Variants in KIF27 observed in about 807,000 individuals in gnomAD.
The protein encoded by KIF27 is kinesin-like protein KIF27.
A neutral mutation model predicts 141.8 loss-of-function variants in KIF27; 84 were observed. The ratio of observed to expected loss-of-function variants is 0.59; its 90% CI spans 0.50 to 0.71. KIF27 has a LOEUF of 0.71. Ranked by LOEUF, KIF27 falls within the 30% of genes least tolerant of loss-of-function variation. The pLI is 0.00. For synonymous variants in KIF27, 471 were observed against 569.5 expected, an observed-to-expected ratio of 0.83 and a Z score of 2.46; for missense variants, 1,306 against 1,628.4, an observed-to-expected ratio of 0.80 and a Z score of 3.41.
chr9:83,847,316 A>C (rs2131580352), intron 16 of KIF27, among the ~76,000 whole-genome samples: 1 of 152,338 alleles, frequency 6.6e-6, no homozygotes, highest in Admixed American at 6.5e-5. Flanking sequence ...TGTACTAAGA[A>C]AATATCTTCA....
At chr9:83,888,942 T>C (rs1393913150) in intron 7 of KIF27, 142 bp downstream of exon 7, 2 of 889,532 alleles carry the variant, frequency 2.2e-6, no homozygotes, top group Non-Finnish European at 3.2e-6. Flanking sequence ...CATAACACAT[T>C]AGATGATAGT....
At position 83,866,948 on chromosome 9, in the gene KIF27, A is replaced by ACC. The variant is rs373091907; in HGVS notation, c.2934+734_2934+735dup. Among the ~76,000 whole-genome samples the ACC allele has an allele frequency of 8.1e-4, 96 of 118,142 alleles. 1 individual carries two copies. The highest frequency in any genetic ancestry group is 2.2e-3 in the African/African-American group (73 of 33,016). 77.5% of individuals were successfully genotyped at this position (118,142 alleles called of 152,430 possible). A position where few individuals can be genotyped will look rare whatever the true frequency, so the allele number is the denominator to read the frequency against. ...CCACAATCAATTTTATATTTTATTCACCCCCCCCCCAAAAAAAGAAACCCC... is the reference window on the plus strand; with the variant it reads ...CCACAATCAATTTTATATTTTATTCACCCCCCCCCCCCAAAAAAAGAAACCCC... On this transcript the variant is annotated intron_variant, in intron 13 of 17. Coordinates refer to ENST00000297814, the MANE Select transcript of KIF27 (RefSeq NM_017576.4).
intron 15 of KIF27, among the ~76,000 whole-genome samples, chr9:83,852,573 T>TA (rs1351438847): frequency 6.6e-6 from 1 of 152,200 alleles, no homozygotes; most frequent in South Asian, 2.1e-4. Flanking sequence ...CTGATGATGA[T>TA]TATCCAAGAG....
intron 15 of KIF27, among the ~76,000 whole-genome samples, chr9:83,850,749 A>G (rs1404106514): frequency 6.8e-6 from 1 of 146,018 alleles, no homozygotes; most frequent in Non-Finnish European, 1.5e-5. Context: ...GCCCCATTGC[A>G]CTCCAGCCTG....
chr9:83,857,167 C>T (rs777375531), intron 14 of KIF27, among the ~76,000 whole-genome samples: 14 of 151,428 alleles, frequency 9.2e-5, no homozygotes, highest in Non-Finnish European at 1.9e-4. Context: ...TCTTTCTATC[C>T]ATTTCCATAA....
intron 1 of KIF27, among the ~76,000 whole-genome samples, chr9:83,917,177 C>T (rs1955788667): frequency 1.3e-5 from 2 of 151,710 alleles, no homozygotes; most frequent in African/African-American, 4.8e-5. Flanking sequence ...GTTCCCCTTC[C>T]TGTGGCAGAA....
intron 15 of KIF27, among the ~76,000 whole-genome samples, chr9:83,852,195 C>T (rs1350684134): frequency 6.6e-6 from 1 of 151,084 alleles, no homozygotes; most frequent in Non-Finnish European, 1.5e-5. Flanking sequence ...CCTGTAATCC[C>T]AGCACTTTGG....
chr9:83,844,582 G>A (rs138037168), intron 16 of KIF27, among the ~76,000 whole-genome samples: 1 of 152,128 alleles, frequency 6.6e-6, no homozygotes, highest in Non-Finnish European at 1.5e-5. Context: ...GACATGAACT[G>A]TTTACAGAAT....
intron 14 of KIF27, among the ~76,000 whole-genome samples, chr9:83,857,893 T>A (rs116574298): frequency 1.3e-5 from 2 of 152,050 alleles, no homozygotes; most frequent in Non-Finnish European, 2.9e-5. Flanking sequence ...CTTCAGAGTT[T>A]AGAGTTTTCT....
chr9:83,853,165 A>G (rs1948804435), intron 15 of KIF27, among the ~76,000 whole-genome samples: 1 of 152,140 alleles, frequency 6.6e-6, no homozygotes, highest in Non-Finnish European at 1.5e-5. Flanking sequence ...ATCTACTATT[A>G]TCTTTGCCAC....
At chr9:83,880,695 G>A (rs1338850914) in intron 10 of KIF27, among the ~76,000 whole-genome samples, 1 of 152,128 alleles carries the variant, frequency 6.6e-6, no homozygotes, top group East Asian at 1.9e-4. Flanking sequence ...CATCACATAT[G>A]TAAAAGTATA....
intron 14 of KIF27, chr9:83,855,214 T>C (rs1285338902): frequency 6.6e-6 from 1 of 152,232 alleles, no homozygotes; most frequent in East Asian, 1.9e-4. Context: ...TTTGTATTTT[T>C]AGTTGAGAAG....
intron 16 of KIF27, among the ~76,000 whole-genome samples, chr9:83,848,366 T>G (rs1296197136): frequency 1.5e-4 from 21 of 136,098 alleles, no homozygotes; most frequent in Non-Finnish European, 2.8e-4. Context: ...TATCTACATA[T>G]ATCTACATAT....
intron 17 of KIF27, among the ~76,000 whole-genome samples, chr9:83,839,148 C>T (rs529129009): frequency 6.6e-6 from 1 of 152,018 alleles, no homozygotes; most frequent in East Asian, 1.9e-4. Flanking sequence ...CTGGGCAACA[C>T]AGCAAGACCC....
chr9:83,891,073 G>C (rs923425864), intron 6 of KIF27, among the ~76,000 whole-genome samples: 12 of 152,238 alleles, frequency 7.9e-5, no homozygotes, highest in Admixed American at 4.6e-4. Flanking sequence ...AAGAAGTATG[G>C]ACATTATCTC....
intron 13 of KIF27, among the ~76,000 whole-genome samples, chr9:83,865,585 C>T (rs560151813): frequency 6.6e-6 from 1 of 152,324 alleles, no homozygotes; most frequent in Admixed American, 6.5e-5. Flanking sequence ...GTGTGAGCCA[C>T]CGCGCCCTGC....
intron 13 of KIF27, among the ~76,000 whole-genome samples, chr9:83,863,298 T>C (rs1193017922): frequency 2.0e-5 from 3 of 152,210 alleles, no homozygotes; most frequent in Non-Finnish European, 2.9e-5. Context: ...TTCAGTACGA[T>C]ATTGGCTGTA....
rs141363838 is a variant in KIF27 at position 83,903,757 on chromosome 9, G to A, written c.761C>T (p.Thr254Met). The A allele has an allele frequency of 3.5e-5, 56 of 1,613,988 alleles. No homozygotes were observed. In the Middle Eastern group the frequency reaches 1.2e-3, roughly 33 times the overall value. Residue 254 changes from threonine to methionine, a missense_variant, in exon 4 of 18, where the codon ACG (threonine) becomes ATG (methionine). Thr to Met is a moderately conservative substitution (Grantham distance 81). Around this residue, in one of 4 missense-constraint regions of KIF27, gnomAD observed 533 missense variants for 565.6 expected, o/e 0.94. Transcript: ENST00000297814. ...DLAGSERVTK[T>M]GNTGERFKES... ...TTTGAACCGTTCACCAGTATTCCCC[G>A]TTTTGGTTACTCTTTCTGATCCTGC... is the stretch of plus-strand genomic sequence containing the variant.
intron 16 of KIF27, among the ~76,000 whole-genome samples, chr9:83,843,480 T>G (rs1046057570): frequency 2.0e-5 from 3 of 152,130 alleles, no homozygotes; most frequent in Admixed American, 6.6e-5. Context: ...TCCTACTGGT[T>G]TGTGATTTTC....
Sources: gnomAD v4.1 joint callset for allele counts (sites outside exome capture counted in the v4.1 genomes callset) on GRCh38, gnomAD v4.1.1 for gene constraint, gnomAD v4.1.1 regional missense constraint, MANE v1.5 for transcripts, NCBI Gene and HGNC (gene_info 2026-07-23, HGNC 2026-07-21) for gene names.